MAGT1: variants seen among roughly 807,000 people sequenced by gnomAD.
MAGT1 encodes the protein dolichyl-diphosphooligosaccharide--protein glycosyltransferase subunit MAGT1.
Under a neutral mutation model 28.4 loss-of-function variants are expected in MAGT1, and 4 were observed. The observed-to-expected ratio is 0.14, with a 90% confidence interval of 0.07 to 0.32. MAGT1 has a LOEUF of 0.32. Among genes scored for constraint, MAGT1 ranks in the 10% least tolerant of loss-of-function variants. MAGT1 has a pLI of 1.00. For synonymous variants in MAGT1, 89 were observed against 89.7 expected, an observed-to-expected ratio of 0.99 and a Z score of 0.04; for missense variants, 193 against 264.5, an observed-to-expected ratio of 0.73 and a Z score of 1.88.
chrX:77,886,742 T>C (rs2077069162), intron 1 of MAGT1, among the ~76,000 whole-genome samples: 1 of 111,960 alleles, frequency 8.9e-6, no homozygotes, highest in Admixed American at 9.6e-5. Context: ...ATTCCAAGAA[T>C]ATTGAATTTT....
At position 77,829,095 on chromosome X, in the gene MAGT1, T is replaced by C. The variant is rs2076890904; in HGVS notation, c.*125A>G. On this transcript the variant is annotated 3_prime_UTR_variant, in exon 10 of 10. Transcript: ENST00000618282. ...CATCTTCTTTGGTTAAATGATTAAC[T>C]ATTTAAATCACTTGAAAAAAAGAGG... 4 of 568,531 alleles carry C rather than the reference T, an allele frequency of 7.0e-6. No homozygotes were observed. In the South Asian group the frequency reaches 1.1e-4, roughly 15 times the overall value. The allele number at this position is 568,531 out of a possible 1,213,427, so 46.9% of individuals were successfully genotyped here.
chrX:77,827,427 A>T lies in MAGT1; in HGVS notation c.*1793T>A, dbSNP rs1272511170. 1 of 108,806 alleles carries T rather than the reference A, an allele frequency of 9.2e-6. No individual in the cohort carries two copies. The highest frequency in any genetic ancestry group is 1.9e-5 in the Non-Finnish European group (1 of 52,415). The allele number at this position is 108,806 out of a possible 1,213,427, so 9.0% of individuals were successfully genotyped here. On this transcript the variant is annotated 3_prime_UTR_variant, in exon 10 of 10. Coordinates refer to ENST00000618282, the MANE Select transcript of MAGT1 (RefSeq NM_001367916.1). ...TGATTTTTCTTTCCCATTCTAAGGG[A>T]GTCCTTTTCTTTCTTACTTTTTTTT...
intron 2 of MAGT1, among the ~76,000 whole-genome samples, chrX:77,873,159 C>T (rs1206427437): frequency 8.9e-6 from 1 of 112,087 alleles, no homozygotes. Context: ...ACTTACGATT[C>T]CTTTTTCTTC....
Position 77,841,312 on chromosome X carries a change from C to T in MAGT1, c.835G>A (p.Val279Ile). 1 of 1,187,562 alleles carries T rather than the reference C, an allele frequency of 8.4e-7. No homozygotes were observed. Among genetic ancestry groups the T allele is most frequent in the Non-Finnish European group, 1.1e-6 (1 of 873,740 alleles). ...THIVLLFNGGVTLGMVLLCEA... is the reference protein window; with the variant it reads ...THIVLLFNGGITLGMVLLCEA... The stretch of plus-strand genomic sequence containing the variant: ...CATAAAAGCACCATTCCTAAGGTAA[C>T]TCCACCATCTAAGAAAAATTGTTTA... The change falls in exon 8 of 10, where the codon GTT (valine) becomes ATT (isoleucine). Residue 279 changes from valine (V) to isoleucine (I), a missense_variant. By Grantham distance (29) the Val-to-Ile change is conservative. Transcript: ENST00000618282.
At chrX:77,858,819 T>C (rs1003821996) in intron 3 of MAGT1, among the ~76,000 whole-genome samples, 11 of 112,108 alleles carry the variant, frequency 9.8e-5, no homozygotes, top group African/African-American at 3.2e-4. Context: ...TCTTATACAA[T>C]GTTCAGTCTA....
intron 1 of MAGT1, among the ~76,000 whole-genome samples, chrX:77,894,493 T>C (rs2077093036): frequency 8.9e-6 from 1 of 112,250 alleles, no homozygotes. Context: ...TTAGAATGAC[T>C]GACGTAGGGT....
chrX:77,864,286 C>T (rs1353953304), intron 3 of MAGT1, among the ~76,000 whole-genome samples: 14 of 104,540 alleles, frequency 1.3e-4, no homozygotes, highest in African/African-American at 4.6e-4. Context: ...GGGAGGGGTG[C>T]GGGAGCGGGC....
chrX:77,879,687 CA>C (rs781903612), intron 1 of MAGT1, among the ~76,000 whole-genome samples: 2 of 110,926 alleles, frequency 1.8e-5, no homozygotes, highest in Non-Finnish European at 3.8e-5. Flanking sequence ...AATTTATAAT[CA>C]GTGAAATTTA....
chrX:77,875,514 A>T lies in MAGT1; in HGVS notation c.186T>A (p.Arg62=), dbSNP rs782059298. ...TTCTCGGTGGGGCTTTCACAAGGCG[A>T]CGGAACTTGTCTCCATTCATTCTTA... The part of the protein sequence containing the change: ...PVIRMNGDKF[R]RLVKAPPRNY... Residue 62 remains arginine, a synonymous_variant, in exon 2 of 10, where the codon CGT becomes CGA. Coordinates refer to ENST00000618282, the MANE Select transcript of MAGT1 (RefSeq NM_001367916.1). 1 of 1,205,658 alleles carries T rather than the reference A, an allele frequency of 8.3e-7. No homozygotes were observed. Among genetic ancestry groups the T allele is most frequent in the African/African-American group, 1.8e-5 (1 of 56,391 alleles).
intron 4 of MAGT1, 31 bp from the exon 5 acceptor site, chrX:77,856,904 G>A (rs782371506): frequency 8.6e-7 from 1 of 1,157,377 alleles, no homozygotes; most frequent in Non-Finnish European, 1.2e-6. Context: ...ACATGTTAAA[G>A]TATAAAATTT....
chrX:77,862,740 A>G (rs944516771), intron 3 of MAGT1, among the ~76,000 whole-genome samples: 5 of 111,574 alleles, frequency 4.5e-5, no homozygotes, highest in Admixed American at 3.9e-4. Context: ...TATTATTATT[A>G]TTAGAAAAGC....
At chrX:77,856,539 C>T (rs1557216003) in intron 5 of MAGT1, 194 bp downstream of exon 5, 1 of 417,315 alleles carries the variant, frequency 2.4e-6, no homozygotes, top group African/African-American at 2.5e-5. Flanking sequence ...ACAATCAGTT[C>T]CTTGAAGTTC....
At chrX:77,830,972 T>C (rs1404165013) in intron 8 of MAGT1, 77 bp from the exon 9 acceptor site, 9 of 7,574 alleles carry the variant, frequency 1.2e-3, no homozygotes, top group East Asian at 8.9e-3. Flanking sequence ...ACTTTCTTTT[T>C]TTATTTTATT....
intron 1 of MAGT1, among the ~76,000 whole-genome samples, chrX:77,880,525 C>G (rs1298821569): frequency 9.1e-6 from 1 of 109,937 alleles, no homozygotes; most frequent in Non-Finnish European, 1.9e-5. Flanking sequence ...GACACTCAGT[C>G]TCAAAACAAA....
intron 7 of MAGT1, among the ~76,000 whole-genome samples, chrX:77,841,942 G>A (rs1458348372): frequency 1.2e-4 from 12 of 100,033 alleles, no homozygotes; most frequent in Non-Finnish European, 2.2e-4. Context: ...CACCTGCCTC[G>A]GCCTCCCAAA....
rs910249279 is a variant in MAGT1 at position 77,850,969 on chromosome X, T to C, written c.826+2932A>G. 6.4e-5 allele frequency among the ~76,000 whole-genome samples: 7 copies of C among 109,884 alleles called. No homozygotes were observed. The South Asian group carries it at 2.7e-3, about 42-fold the overall frequency. On this transcript the variant is annotated intron_variant, in intron 7 of 9. Transcript: ENST00000618282. ...CATCAAACCATACTTTTCTTTTCTG[T>C]TCTTTTTTTTTTTTTTTCTTTGAGA...
chrX:77,894,904 G>T, intron 1 of MAGT1, among the ~76,000 whole-genome samples: 1 of 111,756 alleles, frequency 8.9e-6, no homozygotes, highest in East Asian at 2.8e-4. Flanking sequence ...CTCCTGAAAT[G>T]AAAATGCTAG....
At chrX:77,841,166 G>C in intron 8 of MAGT1, 80 bp downstream of exon 8, 1 of 765,318 alleles carries the variant, frequency 1.3e-6, no homozygotes, top group Non-Finnish European at 2.0e-6. Context: ...TATCCTATAA[G>C]TAAGAGGAAA....
intron 1 of MAGT1, among the ~76,000 whole-genome samples, chrX:77,885,213 C>T (rs1000526892): frequency 8.3e-5 from 9 of 108,853 alleles, no homozygotes; most frequent in African/African-American, 3.0e-4. Context: ...TACAAGTATG[C>T]GCCACCATGC....
Sources: gnomAD v4.1 joint callset for allele counts (sites outside exome capture counted in the v4.1 genomes callset) on GRCh38, gnomAD v4.1.1 for gene constraint, MANE v1.5 for transcripts, NCBI Gene and HGNC (gene_info 2026-07-23, HGNC 2026-07-21) for gene names.